PPM1B: variants seen among roughly 807,000 people sequenced by gnomAD.
The protein encoded by PPM1B is protein phosphatase 1B.
A neutral mutation model predicts 43.0 loss-of-function variants in PPM1B; 22 were observed. The observed-to-expected ratio is 0.51, with a 90% CI of 0.37 to 0.73. The LOEUF (loss-of-function observed/expected upper bound fraction) is 0.73, where lower values mean the gene tolerates loss of function less well. Among genes scored for constraint, PPM1B ranks in the 30% least tolerant of loss-of-function variants. The probability of loss-of-function intolerance (pLI) is 0.00; values close to 1 mark genes in which losing one functional copy is unlikely to be tolerated. For synonymous variants in PPM1B, 217 were observed against 197.9 expected (o/e 1.10, Z -0.81); for missense variants, 632 against 584.2 (o/e 1.08, Z -0.84).
downstream of PPM1B, among the ~76,000 whole-genome samples, chr2:44,235,616 A>T (rs1290280610): frequency 6.6e-6 from 1 of 151,234 alleles, no homozygotes; most frequent in Non-Finnish European, 1.5e-5. Flanking sequence ...AAAAAAAAAA[A>T]AAAAAAAAGA....
intron 1 of PPM1B, among the ~76,000 whole-genome samples, chr2:44,181,351 G>A (rs973824441): frequency 1.3e-5 from 2 of 152,206 alleles, no homozygotes; most frequent in African/African-American, 4.8e-5. Flanking sequence ...GTTGAGCTGT[G>A]TAGAGCCTAG....
chr2:44,203,358 A>T lies in PPM1B; in HGVS notation c.846+1313A>T, dbSNP rs376778222. Among the ~76,000 whole-genome samples the T allele has an allele frequency of 9.9e-5, 15 of 152,252 alleles. No homozygotes were observed. The East Asian group carries it at 1.9e-3, about 20-fold the overall frequency. ...TCAAATAGTAAGTGGGTCTAAAATT[A>T]TGTATTTGTCTTTGAACTCTAAATG... On this transcript the variant is annotated intron_variant, in intron 2 of 5. Transcript: ENST00000282412.
Position 44,200,365 on chromosome 2 carries a change from A to G in PPM1B, c.-14-821A>G, listed in dbSNP as rs763342499. Reference sequence around the variant, plus strand: ...TTTGAAATTGGGAAAGCTTTATTCTATAAAATAGTAAAGTTGGGTAGGCGG... The same window carrying G: ...TTTGAAATTGGGAAAGCTTTATTCTGTAAAATAGTAAAGTTGGGTAGGCGG... On this transcript the variant is annotated intron_variant, in intron 1 of 5. Transcript: ENST00000282412. Among the ~76,000 whole-genome samples the G allele has an allele frequency of 3.3e-5, 5 of 152,218 alleles. No individual in the cohort carries two copies. In the South Asian group the frequency reaches 1.0e-3, roughly 31 times the overall value.
intron 3 of PPM1B, among the ~76,000 whole-genome samples, chr2:44,212,719 C>T (rs1297700027): frequency 6.6e-6 from 1 of 151,970 alleles, no homozygotes; most frequent in Non-Finnish European, 1.5e-5. Context: ...TTAAAAAATT[C>T]CGTTTAGTAG....
chr2:44,228,834 A>T (rs1558431606), intron 5 of PPM1B, among the ~76,000 whole-genome samples: 1 of 152,070 alleles, frequency 6.6e-6, no homozygotes, highest in African/African-American at 2.4e-5. Context: ...TTGAGAGAAA[A>T]TTGCAGACAT....
At position 44,241,015 on chromosome 2, in the gene PPM1B, T is replaced by A. The variant is rs1005526391; in HGVS notation, n.1547-3213T>A. Among the ~76,000 whole-genome samples, 12 of 144,470 alleles carry A rather than the reference T, an allele frequency of 8.3e-5. 1 individual carries two copies. Among genetic ancestry groups the A allele is most frequent in the East Asian group, 4.1e-4 (2 of 4,856 alleles). 94.8% of individuals were successfully genotyped at this position (144,470 alleles called of 152,430 possible). On this transcript the variant is annotated intron_variant and non_coding_transcript_variant, in intron 5 of 5. Coordinates refer to the PPM1B transcript ENST00000378540. ...AAGCATCTTTATTTTTATTTTTTTTTTTTTTGAGACGGAGTTTCACTCTTG... is the reference window on the plus strand; with the variant it reads ...AAGCATCTTTATTTTTATTTTTTTTATTTTTGAGACGGAGTTTCACTCTTG...
chr2:44,208,470 T>C (rs1669298036), intron 2 of PPM1B, among the ~76,000 whole-genome samples: 1 of 151,970 alleles, frequency 6.6e-6, no homozygotes, highest in African/African-American at 2.4e-5. Context: ...CCCAGCACTT[T>C]GGGAGGCTGA....
chr2:44,181,013 C>T (rs1667847581), intron 1 of PPM1B, among the ~76,000 whole-genome samples: 1 of 151,928 alleles, frequency 6.6e-6, no homozygotes, highest in Admixed American at 6.6e-5. Context: ...GTGCAGATCA[C>T]AGCTCACTGC....
At chr2:44,209,370 G>A in intron 3 of PPM1B, 43 bp downstream of exon 3, 1 of 1,603,902 alleles carries the variant, frequency 6.2e-7, no homozygotes, top group South Asian at 1.1e-5. Flanking sequence ...GCCAGGCACG[G>A]TAGCTCATGC....
At chr2:44,180,619 G>T (rs1298276065) in intron 1 of PPM1B, among the ~76,000 whole-genome samples, 2 of 150,334 alleles carry the variant, frequency 1.3e-5, no homozygotes, top group Admixed American at 6.7e-5. Context: ...AATTACTTTT[G>T]TTTTTTTTTG....
chr2:44,201,615 T>C lies in PPM1B; in HGVS notation c.416T>C (p.Ile139Thr), dbSNP rs1317444731. Reference sequence around the variant, plus strand: ...GGTTCAACTGCAGTGGGAGTTATGATTTCACCTAAGCATATCTACTTTATC... The same window carrying C: ...GGTTCAACTGCAGTGGGAGTTATGACTTCACCTAAGCATATCTACTTTATC... ...RSGSTAVGVMISPKHIYFINC... is the reference protein window; with the variant it reads ...RSGSTAVGVMTSPKHIYFINC... The change falls in exon 2 of 6, where the codon ATT (isoleucine) becomes ACT (threonine). Residue 139 changes from isoleucine (I) to threonine (T), a missense_variant. Physicochemically the swap from Ile to Thr is moderately conservative, Grantham distance 89. This residue lies in a region of PPM1B where 200 missense variants were observed against 200.7 expected (regional missense o/e 1.00). Coordinates refer to ENST00000282412, the MANE Select transcript of PPM1B (RefSeq NM_002706.6). This position sits in a 1 kb window ranked among gnomAD's most constrained non-coding sequence, Gnocchi z 5.4. The C allele has an allele frequency of 6.2e-7, 1 of 1,614,190 alleles. No homozygotes were observed. Among genetic ancestry groups the C allele is most frequent in the Non-Finnish European group, 8.5e-7 (1 of 1,180,024 alleles).
chr2:44,180,803 T>C (rs897812709), intron 1 of PPM1B, among the ~76,000 whole-genome samples: 2 of 151,324 alleles, frequency 1.3e-5, no homozygotes, highest in East Asian at 1.9e-4. Flanking sequence ...TTAACACATA[T>C]TTTATTTAGT....
chr2:44,209,190 T>C lies in PPM1B; in HGVS notation c.847-20T>C. The C allele has an allele frequency of 6.5e-7, 1 of 1,543,708 alleles. No homozygotes were observed. The highest frequency in any genetic ancestry group is 8.7e-7 in the Non-Finnish European group (1 of 1,145,204). On this transcript the variant is annotated intron_variant, in intron 2 of 5. Transcript: ENST00000282412. ...ATTGTAGAAATACAATTTTTTTTCT[T>C]TTTTTTCTTTAATACACAGGGAAGT...
chr2:44,202,267 T>C (rs1452704042), intron 2 of PPM1B, among the ~76,000 whole-genome samples: 1 of 152,230 alleles, frequency 6.6e-6, no homozygotes, highest in East Asian at 1.9e-4. Flanking sequence ...GCATTTGTTG[T>C]CATTTAAGTA....
rs766592225 is a variant in PPM1B, at chr2:44,201,179, A to T, written c.-14-7A>T. ...TAAACATTTAACACCTGCATTTTTT[A>T]TTTCAGATTTATTGCTAAACATGGG... On this transcript the variant is annotated splice_region_variant and splice_polypyrimidine_tract_variant and intron_variant, in intron 1 of 5. Coordinates refer to ENST00000282412, the MANE Select transcript of PPM1B (RefSeq NM_002706.6). This position sits in a 1 kb window ranked among gnomAD's most constrained non-coding sequence, Gnocchi z 5.4. The T allele has an allele frequency of 1.3e-6, 2 of 1,562,646 alleles. No individual in the cohort carries two copies. Among genetic ancestry groups the T allele is most frequent in the Admixed American group, 1.9e-5 (1 of 53,034 alleles).
chr2:44,200,325 G>C (rs939323870), intron 1 of PPM1B, among the ~76,000 whole-genome samples: 3 of 152,172 alleles, frequency 2.0e-5, no homozygotes, highest in Non-Finnish European at 4.4e-5. Context: ...ATTACTCTAA[G>C]TCTAATCTAA....
rs565306990 is a variant in PPM1B, at chr2:44,217,778, C to T, written c.965-189C>T. 1.4e-4 allele frequency: 56 copies of T among 391,054 alleles called. 2 individuals are homozygous for T. In the South Asian group the frequency reaches 5.1e-3, roughly 35 times the overall value. 24.2% of individuals were successfully genotyped at this position (391,054 alleles called of 1,614,324 possible). A position where few individuals can be genotyped will look rare whatever the true frequency, so the allele number is the denominator to read the frequency against. ...CAAATAACTGTTTTTTCTTTTTTCC[C>T]CCTGCATAGCAATGTTTCAGTCAAT... On this transcript the variant is annotated intron_variant, in intron 3 of 5. Coordinates refer to ENST00000282412, the MANE Select transcript of PPM1B (RefSeq NM_002706.6).
chr2:44,234,880 C>T (rs1443160817), downstream of PPM1B, among the ~76,000 whole-genome samples: 2 of 152,056 alleles, frequency 1.3e-5, no homozygotes, highest in Admixed American at 1.3e-4. Flanking sequence ...TACAAAAATT[C>T]AGTGTAAAAA....
chr2:44,198,837 A>G lies in PPM1B; in HGVS notation c.-14-2349A>G, dbSNP rs75055021. Among the ~76,000 whole-genome samples the G allele has an allele frequency of 3.8e-3, 573 of 152,288 alleles. 3 individuals are homozygous for G. Among genetic ancestry groups the G allele is most frequent in the African/African-American group, 0.013 (553 of 41,558 alleles). On this transcript the variant is annotated intron_variant, in intron 1 of 5. Transcript: ENST00000282412. ...TCATAGGGCTGGTAAAAGTGCAGGTAGTGTCTGGCATTTGTAATTACTAGG... is the reference window on the plus strand; with the variant it reads ...TCATAGGGCTGGTAAAAGTGCAGGTGGTGTCTGGCATTTGTAATTACTAGG...
Sources: gnomAD v4.1 joint callset for allele counts (sites outside exome capture counted in the v4.1 genomes callset) on GRCh38, gnomAD v4.1.1 for gene constraint, gnomAD v4.1.1 regional missense constraint, Gnocchi (gnomAD v3.1) non-coding constraint, MANE v1.5 for transcripts, NCBI Gene and HGNC (gene_info 2026-07-23, HGNC 2026-07-21) for gene names.